C8orf34: variants seen among roughly 807,000 people sequenced by gnomAD.
C8orf34 encodes the protein uncharacterized protein C8orf34.
C8orf34 carries 65 observed loss-of-function variants against 68.3 expected under a neutral mutation model. The observed-to-expected ratio is 0.95, with a 90% CI of 0.78 to 1.17. The LOEUF (loss-of-function observed/expected upper bound fraction) is 1.17, where lower values mean the gene tolerates loss of function less well. C8orf34 is among the 50% of genes most tolerant of loss of function. The pLI is 0.00. For synonymous variants in C8orf34, 244 were observed against 241.2 expected (o/e 1.01, Z -0.11); for missense variants, 664 against 655.4 (o/e 1.01, Z -0.14).
chr8:68,366,727 C>A (rs1452524104), intron 1 of C8orf34, among the ~76,000 whole-genome samples: 1 of 141,888 alleles, frequency 7.0e-6, no homozygotes, highest in Admixed American at 7.0e-5. Flanking sequence ...CCCTTCCTTA[C>A]ACCTTATACA....
intron 4 of C8orf34, among the ~76,000 whole-genome samples, chr8:68,478,187 T>G (rs1191160465): frequency 6.6e-6 from 1 of 152,046 alleles, no homozygotes; most frequent in Non-Finnish European, 1.5e-5. Flanking sequence ...TCTGCTTCCC[T>G]TTTAAACATA....
chr8:68,353,982 T>A (rs940825126), intron 1 of C8orf34, among the ~76,000 whole-genome samples: 3 of 151,970 alleles, frequency 2.0e-5, no homozygotes, highest in Non-Finnish European at 4.4e-5. Context: ...GAGGGACAAC[T>A]GTATATATCA....
At chr8:68,573,974 A>G (rs575603472) in intron 7 of C8orf34, among the ~76,000 whole-genome samples, 3 of 152,304 alleles carry the variant, frequency 2.0e-5, no homozygotes, top group South Asian at 2.1e-4. Flanking sequence ...TTCAATGAGC[A>G]TTAGATGATC....
intron 7 of C8orf34, among the ~76,000 whole-genome samples, chr8:68,560,320 G>A (rs1352794574): frequency 6.6e-6 from 1 of 152,092 alleles, no homozygotes; most frequent in Non-Finnish European, 1.5e-5. Flanking sequence ...TATCAAGAAT[G>A]TACTATCTTA....
At chr8:68,411,350 T>C (rs767440677) in intron 1 of C8orf34, among the ~76,000 whole-genome samples, 27 of 152,192 alleles carry the variant, frequency 1.8e-4, no homozygotes, top group Non-Finnish European at 2.9e-4. Context: ...TATAATATAT[T>C]TCATATGTAA....
At chr8:68,776,477 A>G (rs1323438149) in intron 11 of C8orf34, 28 bp downstream of exon 11, 2 of 1,579,702 alleles carry the variant, frequency 1.3e-6, no homozygotes, top group East Asian at 4.5e-5. Flanking sequence ...TTTATAATGT[A>G]GTCTGAAATC....
At chr8:68,480,980 T>A (rs1178168695) in intron 4 of C8orf34, among the ~76,000 whole-genome samples, 2 of 152,152 alleles carry the variant, frequency 1.3e-5, no homozygotes, top group Admixed American at 6.5e-5. Flanking sequence ...AGGAACCTAA[T>A]GTTAATCCCC....
chr8:68,720,033 T>A (rs1214527835), intron 9 of C8orf34, among the ~76,000 whole-genome samples: 1 of 151,990 alleles, frequency 6.6e-6, no homozygotes, highest in African/African-American at 2.4e-5. Context: ...GAGCTTCAAG[T>A]ATTCTTTACA....
chr8:68,429,790 A>G (rs1810377266), intron 1 of C8orf34, among the ~76,000 whole-genome samples: 2 of 152,196 alleles, frequency 1.3e-5, no homozygotes, highest in Admixed American at 6.6e-5. Flanking sequence ...AACAAATAAG[A>G]TTTAGGTAAT....
At chr8:68,632,714 C>T (rs2130703823) in intron 7 of C8orf34, among the ~76,000 whole-genome samples, 1 of 152,264 alleles carries the variant, frequency 6.6e-6, no homozygotes, top group African/African-American at 2.4e-5. Flanking sequence ...TTGTACCCTG[C>T]ATCCCAGCCA....
chr8:68,466,644 G>A (rs1309311632), intron 3 of C8orf34, among the ~76,000 whole-genome samples: 1 of 150,232 alleles, frequency 6.7e-6, no homozygotes, highest in South Asian at 2.1e-4. Context: ...CTTTGTTGAA[G>A]GACATTTAGA....
chr8:68,787,720 T>G (rs1355214028), intron 12 of C8orf34, 184 bp downstream of exon 12: 1 of 442,860 alleles, frequency 2.3e-6, no homozygotes, highest in Non-Finnish European at 4.1e-6. Context: ...AACATCTTAA[T>G]TATGGTACAG....
At chr8:68,391,297 A>C (rs1295102903) in intron 1 of C8orf34, among the ~76,000 whole-genome samples, 1 of 152,168 alleles carries the variant, frequency 6.6e-6, no homozygotes, top group African/African-American at 2.4e-5. Context: ...CCAAGAGCCA[A>C]GCCATGTGTA....
Position 68,505,425 on chromosome 8 carries a change from T to C in C8orf34, c.766-16374T>C, listed in dbSNP as rs185457787. 6.9e-3 allele frequency among the ~76,000 whole-genome samples: 1,055 copies of C among 152,260 alleles called. 7 individuals carry two copies. Among genetic ancestry groups the C allele is most frequent in the Non-Finnish European group, 0.012 (794 of 68,008 alleles). On this transcript the variant is annotated intron_variant, in intron 5 of 13. Coordinates refer to ENST00000518698, the MANE Select transcript of C8orf34 (RefSeq NM_052958.4). ...AATTCTCTTTTGATTGCTTTCATTTTCTCACTGAAAGAATGAGCAACATGG... is the reference window on the plus strand; with the variant it reads ...AATTCTCTTTTGATTGCTTTCATTTCCTCACTGAAAGAATGAGCAACATGG...
chr8:68,446,634 A>G (rs1181925031), intron 3 of C8orf34, 174 bp downstream of exon 3: 1 of 620,752 alleles, frequency 1.6e-6, no homozygotes, highest in African/African-American at 1.9e-5. Flanking sequence ...ATACGTATGT[A>G]TTTGCTTGCT....
chr8:68,647,147 A>G (rs1304057921), intron 8 of C8orf34, among the ~76,000 whole-genome samples: 4 of 152,190 alleles, frequency 2.6e-5, no homozygotes, highest in Non-Finnish European at 5.9e-5. Context: ...AAATAAACAT[A>G]TCTCAGAAAA....
intron 1 of C8orf34, among the ~76,000 whole-genome samples, chr8:68,343,346 G>A (rs928007857): frequency 6.6e-6 from 1 of 152,142 alleles, no homozygotes; most frequent in African/African-American, 2.4e-5. Context: ...TGAATCACTC[G>A]TGCTTTGCAG....
intron 1 of C8orf34, among the ~76,000 whole-genome samples, chr8:68,430,806 A>C (rs550316643): frequency 6.6e-6 from 1 of 152,210 alleles, no homozygotes; most frequent in South Asian, 2.1e-4. Context: ...ACAATGTGAC[A>C]AGTCGTTTCC....
chr8:68,376,216 G>A (rs202151602), intron 1 of C8orf34, among the ~76,000 whole-genome samples: 37 of 58,740 alleles, frequency 6.3e-4, no homozygotes, highest in Non-Finnish European at 4.4e-4. Flanking sequence ...TAAAATAAAA[G>A]TTGATAAATA....
Sources: gnomAD v4.1 joint callset for allele counts (sites outside exome capture counted in the v4.1 genomes callset) on GRCh38, gnomAD v4.1.1 for gene constraint, MANE v1.5 for transcripts, NCBI Gene and HGNC (gene_info 2026-07-23, HGNC 2026-07-21) for gene names.